ZFAT: variants seen among roughly 807,000 people sequenced by gnomAD.
ZFAT encodes zinc finger protein ZFAT.
A neutral mutation model predicts 117.7 loss-of-function variants in ZFAT; 64 were observed. The ratio of observed to expected loss-of-function variants is 0.54; its 90% CI spans 0.44 to 0.67. ZFAT has a LOEUF of 0.67. ZFAT is among the 30% of genes least tolerant of loss of function. ZFAT has a pLI of 0.00. For synonymous variants in ZFAT, 679 were observed against 615.0 expected (o/e 1.10, Z -1.54); for missense variants, 1,433 against 1,584.5 (o/e 0.90, Z 1.62).
At chr8:134,811,875 C>G in the ZFAT span, among the ~76,000 whole-genome samples, 1 of 152,142 alleles carries the variant, frequency 6.6e-6, no homozygotes, top group Admixed American at 6.5e-5. Flanking sequence ...TTTAAAATAC[C>G]TATCTTGCCT....
intron 14 of ZFAT, among the ~76,000 whole-genome samples, chr8:134,511,767 A>G (rs1399541002): frequency 6.6e-6 from 1 of 152,210 alleles, no homozygotes; most frequent in Non-Finnish European, 1.5e-5. Flanking sequence ...AACTGCCACT[A>G]GGCTGGTACA....
At chr8:134,484,245 A>G (rs1817515169) in intron 15 of ZFAT, among the ~76,000 whole-genome samples, 1 of 152,230 alleles carries the variant, frequency 6.6e-6, no homozygotes. Flanking sequence ...CTCTGTGCCC[A>G]GTCCAGTGCC....
At chr8:134,489,003 T>C (rs377075303) in intron 15 of ZFAT, among the ~76,000 whole-genome samples, 10 of 8,394 alleles carry the variant, frequency 1.2e-3, no homozygotes, top group South Asian at 4.1e-3. Flanking sequence ...AAGTGGGGGG[T>C]GGGGGTGGGG....
the ZFAT span, among the ~76,000 whole-genome samples, chr8:134,818,119 A>G: frequency 6.6e-6 from 1 of 152,250 alleles, no homozygotes; most frequent in Non-Finnish European, 1.5e-5. Context: ...CCAAAAGTAC[A>G]ATCCATAAAA....
chr8:134,750,336 A>T, the ZFAT span, among the ~76,000 whole-genome samples: 2 of 70,230 alleles, frequency 2.8e-5, no homozygotes, highest in Admixed American at 2.9e-4. Context: ...TATTTTTGTT[A>T]TCAGTAATAG....
chr8:134,824,758 T>C, the ZFAT span, among the ~76,000 whole-genome samples: 109 of 152,258 alleles, frequency 7.2e-4, no homozygotes, highest in African/African-American at 2.6e-3. Context: ...GACAAAAAAT[T>C]ATAATACAGA....
intron 7 of ZFAT, among the ~76,000 whole-genome samples, chr8:134,593,891 G>A (rs538209108): frequency 2.6e-5 from 4 of 152,310 alleles, no homozygotes; most frequent in South Asian, 2.1e-4. Flanking sequence ...TCAGGCGCTC[G>A]AATGCTCATC....
chr8:134,734,411 T>C, the ZFAT span, among the ~76,000 whole-genome samples: 1 of 152,272 alleles, frequency 6.6e-6, no homozygotes, highest in Non-Finnish European at 1.5e-5. Flanking sequence ...GCATCCTGCA[T>C]GCATCATATA....
chr8:134,674,826 C>G (rs1245606923), intron 1 of ZFAT: 2 of 281,516 alleles, frequency 7.1e-6, no homozygotes, highest in South Asian at 3.1e-5. Flanking sequence ...TGTTCTGCAG[C>G]CTCCACTGGT....
the ZFAT span, among the ~76,000 whole-genome samples, chr8:134,826,070 C>T: frequency 6.6e-6 from 1 of 151,674 alleles, no homozygotes; most frequent in Non-Finnish European, 1.5e-5. Context: ...AACAATATGT[C>T]ATTACAAGCA....
intron 14 of ZFAT, chr8:134,510,081 G>A (rs1264553634): frequency 2.1e-6 from 1 of 465,708 alleles, no homozygotes; most frequent in Non-Finnish European, 4.3e-6. Flanking sequence ...GTCCTAACAT[G>A]CGGACATGTG....
chr8:134,580,604 A>C (rs1238030664), intron 10 of ZFAT, among the ~76,000 whole-genome samples: 1 of 152,224 alleles, frequency 6.6e-6, no homozygotes, highest in Non-Finnish European at 1.5e-5. Flanking sequence ...TTATTGGATA[A>C]AAATAAAGTT....
At chr8:134,523,042 A>T (rs1820774037) in intron 12 of ZFAT, among the ~76,000 whole-genome samples, 1 of 152,064 alleles carries the variant, frequency 6.6e-6, no homozygotes, top group Non-Finnish European at 1.5e-5. Context: ...CTCTTTCTAG[A>T]GCACTGATCC....
chr8:134,743,611 T>A, the ZFAT span, among the ~76,000 whole-genome samples: 1 of 152,324 alleles, frequency 6.6e-6, no homozygotes, highest in Non-Finnish European at 1.5e-5. Context: ...CTTGGAAGAA[T>A]CACTTTAGGG....
At chr8:134,712,814 CCGTCTCA>C in intron 1 of ZFAT, 24 bp downstream of exon 1, 1 of 1,232,432 alleles carries the variant, frequency 8.1e-7, no homozygotes, top group Non-Finnish European at 1.1e-6. Context: ...CACCCCCACC[CCGTCTCA>C]CCCCAACCCC....
At chr8:134,727,048 A>T in the ZFAT span, among the ~76,000 whole-genome samples, 2 of 151,784 alleles carry the variant, frequency 1.3e-5, no homozygotes, top group Admixed American at 6.6e-5. Flanking sequence ...TGCCCTGCTC[A>T]TGTCTGCCTT....
At chr8:134,498,379 T>C (rs77210640) in intron 15 of ZFAT, among the ~76,000 whole-genome samples, 854 of 75,236 alleles carry the variant, frequency 0.011, 7 homozygotes, top group African/African-American at 0.038. Context: ...TTGGTAGGGT[T>C]GGGGTGGAAC....
At chr8:134,513,897 C>A (rs1300961507) in intron 13 of ZFAT, among the ~76,000 whole-genome samples, 3 of 152,174 alleles carry the variant, frequency 2.0e-5, no homozygotes, top group Non-Finnish European at 2.9e-5. Flanking sequence ...AAAAAATATT[C>A]AATGAATGCA....
At chr8:134,693,651 G>A (rs1833690593) in intron 1 of ZFAT, among the ~76,000 whole-genome samples, 1 of 152,016 alleles carries the variant, frequency 6.6e-6, no homozygotes, top group Non-Finnish European at 1.5e-5. Flanking sequence ...AAGACAACTA[G>A]TAAATGCGGA....
Sources: allele counts gnomAD v4.1 joint callset (sites outside exome capture counted in the v4.1 genomes callset), GRCh38; gene constraint gnomAD v4.1.1; transcripts MANE v1.5; gene names NCBI Gene and HGNC (gene_info 2026-07-23, HGNC 2026-07-21).